FBP2: variants seen among roughly 807,000 people sequenced by gnomAD.
FBP2 encodes the protein fructose-bisphosphatase 2, also known as fructose-1,6-bisphosphatase isozyme 2.
Under a neutral mutation model 31.6 loss-of-function variants are expected in FBP2, and 27 were observed. The ratio of observed to expected loss-of-function variants is 0.85; its 90% CI spans 0.63 to 1.18. The LOEUF (loss-of-function observed/expected upper bound fraction) is 1.18. Ranked by LOEUF, FBP2 falls within the 50% of genes most tolerant of loss-of-function variation. The pLI is 0.00. For synonymous variants in FBP2, 168 were observed against 179.8 expected (o/e 0.93, Z 0.53); for missense variants, 421 against 436.1 (o/e 0.97, Z 0.31).
At chr9:94,564,706 T>C (rs1827160829) in intron 5 of FBP2, among the ~76,000 whole-genome samples, 2 of 152,086 alleles carry the variant, frequency 1.3e-5, no homozygotes, top group Non-Finnish European at 2.9e-5. Flanking sequence ...AGATAAGTAT[T>C]GGATACCAGG....
chr9:94,587,668 G>C (rs1827443916), intron 1 of FBP2, among the ~76,000 whole-genome samples, 199 bp from the exon 2 acceptor site: 1 of 62,384 alleles, frequency 1.6e-5, no homozygotes, highest in Admixed American at 2.2e-4. Flanking sequence ...TGGAGTCGTT[G>C]TCATATTTTC....
intron 6 of FBP2, among the ~76,000 whole-genome samples, chr9:94,559,461 AG>A: frequency 6.6e-6 from 1 of 152,110 alleles, no homozygotes; most frequent in Non-Finnish European, 1.5e-5. Context: ...TTCAACAAGA[AG>A]CAAACTGATG....
rs55778806 is a variant in FBP2, at chr9:94,579,050, C to CAAAAAAAAAAA, written c.426+5516_426+5526dup. On this transcript the variant is annotated intron_variant, in intron 3 of 6. Transcript: ENST00000375337. ...CCTGGGCAACAGAGAGAGACTCTGT[C>CAAAAAAAAAAA]AAAAAAAAAAAAAAAAAAAGGTTAT... Among the ~76,000 whole-genome samples the CAAAAAAAAAAA allele has an allele frequency of 7.5e-4, 23 of 30,594 alleles. 3 individuals carry two copies. Among genetic ancestry groups the CAAAAAAAAAAA allele is most frequent in the African/African-American group, 4.2e-3 (21 of 5,034 alleles). The allele number at this position is 30,594 out of a possible 152,430, so 20.1% of individuals were successfully genotyped here.
intron 3 of FBP2, 85 bp from the exon 4 acceptor site, chr9:94,571,687 C>A: frequency 8.1e-7 from 1 of 1,237,428 alleles, no homozygotes; most frequent in African/African-American, 1.5e-5. Flanking sequence ...CAGATCTCCT[C>A]GAATCACTGA....
intron 1 of FBP2, among the ~76,000 whole-genome samples, chr9:94,589,444 G>A (rs1218943693): frequency 6.6e-6 from 1 of 152,132 alleles, no homozygotes; most frequent in East Asian, 1.9e-4. Context: ...CACACTCACG[G>A]ACTGGCTTCC....
intron 4 of FBP2, chr9:94,569,394 G>A (rs1654151747): frequency 6.6e-6 from 1 of 152,170 alleles, no homozygotes; most frequent in African/African-American, 2.4e-5. Context: ...ATTGAGCCGG[G>A]GTCAATTTTG....
chr9:94,593,779 T>C lies in FBP2; in HGVS notation c.-53A>G, dbSNP rs1564189413. The stretch of plus-strand genomic sequence containing the variant: ...CTCCCGGCAGGAAACCTTGCTTACT[T>C]CTGAGGGCTGCAGCTCCGCAGTGTG... On this transcript the variant is annotated 5_prime_UTR_variant, in exon 1 of 7. Transcript: ENST00000375337. The C allele has an allele frequency of 2.6e-5, 41 of 1,594,564 alleles. No individual in the cohort carries two copies. Among genetic ancestry groups the C allele is most frequent in the Non-Finnish European group, 3.5e-5 (41 of 1,166,788 alleles).
chr9:94,566,651 G>C (rs1827193927), intron 5 of FBP2, among the ~76,000 whole-genome samples: 1 of 152,136 alleles, frequency 6.6e-6, no homozygotes, highest in African/African-American at 2.4e-5. Flanking sequence ...CTCTAGCTCT[G>C]CTGGGTTAGG....
At chr9:94,593,326 G>A (rs1827521809) in intron 1 of FBP2, among the ~76,000 whole-genome samples, 1 of 152,090 alleles carries the variant, frequency 6.6e-6, no homozygotes, top group African/African-American at 2.4e-5. Context: ...TATAATAACT[G>A]GAAAAATTAT....
intron 1 of FBP2, among the ~76,000 whole-genome samples, chr9:94,592,731 C>T (rs1386736744): frequency 6.6e-6 from 1 of 152,206 alleles, no homozygotes; most frequent in Non-Finnish European, 1.5e-5. Flanking sequence ...GACAGGGTTT[C>T]AACATGTTGG....
intron 3 of FBP2, among the ~76,000 whole-genome samples, chr9:94,571,853 A>T (rs1335440465): frequency 2.0e-5 from 3 of 152,208 alleles, no homozygotes; most frequent in Non-Finnish European, 4.4e-5. Flanking sequence ...GCCTGACAAG[A>T]AAAGCACTCC....
At chr9:94,583,174 G>C (rs112730744) in intron 3 of FBP2, among the ~76,000 whole-genome samples, 8,891 of 152,060 alleles carry the variant, frequency 0.058, 384 homozygotes, top group African/African-American at 0.1. Context: ...TGTATATTTT[G>C]CCAACCTGTT....
At chr9:94,562,106 T>G (rs911603802) in intron 6 of FBP2, among the ~76,000 whole-genome samples, 5 of 151,904 alleles carry the variant, frequency 3.3e-5, no homozygotes, top group Non-Finnish European at 7.4e-5. Context: ...GGTCAGGAGA[T>G]CGAGACCATC....
Position 94,562,122 on chromosome 9 carries a change from T to C in FBP2, c.825+1220A>G, listed in dbSNP as rs372938176. Among the ~76,000 whole-genome samples, 57 of 151,882 alleles carry C rather than the reference T, an allele frequency of 3.8e-4. No homozygotes were observed. In the East Asian group the frequency reaches 6.4e-3, roughly 17 times the overall value. On this transcript the variant is annotated intron_variant, in intron 6 of 6. Transcript: ENST00000375337. ...GTCAGGAGATCGAGACCATCCTGGC[T>C]AACATGGTGAAACCCCGTCTCTACT...
intron 3 of FBP2, among the ~76,000 whole-genome samples, chr9:94,572,522 C>T (rs773748171): frequency 3.3e-5 from 5 of 152,182 alleles, no homozygotes; most frequent in Non-Finnish European, 7.3e-5. Flanking sequence ...CAGCGCTTGA[C>T]GCCATGAGCA....
rs1215446987 is a variant in FBP2, at chr9:94,565,104, T to A, written c.706-1643A>T. On this transcript the variant is annotated intron_variant, in intron 5 of 6. Coordinates refer to ENST00000375337, the MANE Select transcript of FBP2 (RefSeq NM_003837.4). ...AAATAAAACAATGGGTCTGGCATGGTGGTTCACGCCTGTAATCCCAGCATT... is the reference window on the plus strand; with the variant it reads ...AAATAAAACAATGGGTCTGGCATGGAGGTTCACGCCTGTAATCCCAGCATT... 2.0e-5 allele frequency among the ~76,000 whole-genome samples: 3 copies of A among 152,170 alleles called. No homozygotes were observed. The East Asian group carries it at 5.8e-4, about 29-fold the overall frequency.
intron 5 of FBP2, among the ~76,000 whole-genome samples, chr9:94,565,243 C>T (rs896826772): frequency 6.6e-6 from 1 of 151,404 alleles, no homozygotes; most frequent in Non-Finnish European, 1.5e-5. Flanking sequence ...GGCATGGTGG[C>T]GGGAGGCTGT....
Position 94,587,311 on chromosome 9 carries a change from T to C in FBP2, c.329A>G (p.Lys110Arg). ...CACCGCAGCCCCATGACGCACCCGC[T>C]TCTCCTTGGCGGTGATGATGGCGTC... Reference protein sequence around the residue: ...NKDAIITAKEKRGKYVVCFDP... With the variant: ...NKDAIITAKERRGKYVVCFDP... Residue 110 changes from lysine to arginine, a missense_variant, in exon 2 of 7, where the codon AAG becomes AGG. By Grantham distance (26) the Lys-to-Arg change is conservative. Transcript: ENST00000375337. 1 of 1,609,978 alleles carries C rather than the reference T, an allele frequency of 6.2e-7. No homozygotes were observed. Among genetic ancestry groups the C allele is most frequent in the South Asian group, 1.1e-5 (1 of 90,284 alleles).
chr9:94,586,275 T>A (rs1827426461), intron 2 of FBP2, among the ~76,000 whole-genome samples: 1 of 152,116 alleles, frequency 6.6e-6, no homozygotes, highest in Admixed American at 6.5e-5. Context: ...CTCAGGAGGC[T>A]GAGGCGGGAG....
Sources: allele counts gnomAD v4.1 joint callset (sites outside exome capture counted in the v4.1 genomes callset), GRCh38; gene constraint gnomAD v4.1.1; transcripts MANE v1.5; gene names NCBI Gene and HGNC (gene_info 2026-07-23, HGNC 2026-07-21).